Variants in DOCK2 observed in about 807,000 individuals in gnomAD.
The protein encoded by DOCK2 is dedicator of cytokinesis 2.
A neutral mutation model predicts 248.9 loss-of-function variants in DOCK2; 87 were observed. The ratio of observed to expected loss-of-function variants is 0.35; its 90% CI spans 0.29 to 0.42. DOCK2 has a LOEUF of 0.42. Ranked by LOEUF, DOCK2 falls within the 10% of genes least tolerant of loss-of-function variation. The pLI is 1.00. For missense variants in DOCK2, 1,747 were observed against 2,300.2 expected, an observed-to-expected ratio of 0.76 and a Z score of 4.92; for synonymous variants, 805 against 821.6, an observed-to-expected ratio of 0.98 and a Z score of 0.35.
At chr5:169,793,561 G>T (rs1371295814) in intron 25 of DOCK2, among the ~76,000 whole-genome samples, 18 of 152,120 alleles carry the variant, frequency 1.2e-4, no homozygotes, top group Admixed American at 1.2e-3. Flanking sequence ...GACAGTCAGG[G>T]TGCAATAAGT....
At chr5:169,801,954 T>C (rs1052183932) in intron 25 of DOCK2, among the ~76,000 whole-genome samples, 1 of 152,084 alleles carries the variant, frequency 6.6e-6, no homozygotes, top group African/African-American at 2.4e-5. Context: ...TTTAAAATGA[T>C]ATCCTGGTGT....
At chr5:170,062,758 G>T (rs964518801) in intron 44 of DOCK2, among the ~76,000 whole-genome samples, 2 of 152,092 alleles carry the variant, frequency 1.3e-5, no homozygotes. Flanking sequence ...GAACTTTCAG[G>T]CATCCTATCC....
At chr5:169,770,555 C>T (rs1338490409) in intron 25 of DOCK2, among the ~76,000 whole-genome samples, 1 of 152,128 alleles carries the variant, frequency 6.6e-6, no homozygotes, top group East Asian at 1.9e-4. Context: ...CTGCCTTGGC[C>T]TCTCAAAGCA....
intron 27 of DOCK2, chr5:169,884,478 A>G (rs1055051845): frequency 6.6e-6 from 1 of 152,256 alleles, no homozygotes; most frequent in South Asian, 2.1e-4. Context: ...TTGTTTGATG[A>G]TACATGATGC....
At chr5:169,762,781 G>A (rs1764564576) in intron 25 of DOCK2, among the ~76,000 whole-genome samples, 1 of 152,204 alleles carries the variant, frequency 6.6e-6, no homozygotes, top group Non-Finnish European at 1.5e-5. Flanking sequence ...ATAATAAAAT[G>A]CGAAGCAAAC....
At chr5:169,660,336 A>AAAAT (rs1377250694) in intron 2 of DOCK2, among the ~76,000 whole-genome samples, 1 of 152,218 alleles carries the variant, frequency 6.6e-6, no homozygotes, top group Non-Finnish European at 1.5e-5. Flanking sequence ...CTTCTCTCTA[A>AAAAT]AAATAAATAA....
intron 27 of DOCK2, among the ~76,000 whole-genome samples, chr5:169,954,511 A>T (rs1776787722): frequency 6.6e-6 from 1 of 152,244 alleles, no homozygotes; most frequent in Admixed American, 6.5e-5. Flanking sequence ...CCTCTTGGCC[A>T]CCCCCCTGAA....
chr5:169,951,936 G>A (rs1159198784), intron 27 of DOCK2, among the ~76,000 whole-genome samples: 1 of 152,162 alleles, frequency 6.6e-6, no homozygotes, highest in East Asian at 1.9e-4. Context: ...TGACTCCTAG[G>A]CTCTATGTTA....
intron 22 of DOCK2, among the ~76,000 whole-genome samples, chr5:169,744,318 TA>T (rs981646926): frequency 1.3e-5 from 2 of 152,232 alleles, no homozygotes; most frequent in Non-Finnish European, 2.9e-5. Flanking sequence ...TCTTACAGAC[TA>T]AAAATCTTTT....
intron 29 of DOCK2, among the ~76,000 whole-genome samples, chr5:169,986,293 C>T (rs1451649280): frequency 6.6e-6 from 1 of 152,104 alleles, no homozygotes; most frequent in African/African-American, 2.4e-5. Flanking sequence ...TTAAATTAAA[C>T]AGATTTGAAC....
chr5:170,009,333 TCA>T (rs1755194413), intron 32 of DOCK2, among the ~76,000 whole-genome samples: 1 of 152,078 alleles, frequency 6.6e-6, no homozygotes, highest in African/African-American at 2.4e-5. Flanking sequence ...TATTTAATCT[TCA>T]CATCACTTCC....
chr5:170,047,486 A>G, intron 39 of DOCK2, 24 bp from the exon 40 acceptor site: 1 of 1,610,902 alleles, frequency 6.2e-7, no homozygotes, highest in Non-Finnish European at 8.5e-7. Flanking sequence ...CTGTGTTGCA[A>G]CAAACCTTGT....
chr5:170,011,466 G>T (rs958065843), intron 32 of DOCK2, among the ~76,000 whole-genome samples: 3 of 125,944 alleles, frequency 2.4e-5, no homozygotes, highest in African/African-American at 9.8e-5. Context: ...AGATACATCT[G>T]TCAGGGGTTG....
At chr5:169,684,716 C>G (rs1344642543) in intron 8 of DOCK2, among the ~76,000 whole-genome samples, 1 of 152,178 alleles carries the variant, frequency 6.6e-6, no homozygotes, top group African/African-American at 2.4e-5. Context: ...TGGGTGCAAT[C>G]ACGGCTCGCT....
intron 22 of DOCK2, among the ~76,000 whole-genome samples, chr5:169,721,851 C>G (rs2113574596): frequency 6.6e-6 from 1 of 152,258 alleles, no homozygotes; most frequent in South Asian, 2.1e-4. Flanking sequence ...TTATCTATAG[C>G]CAAAGAAAGA....
intron 34 of DOCK2, among the ~76,000 whole-genome samples, chr5:170,031,823 A>G: frequency 6.6e-6 from 1 of 152,314 alleles, no homozygotes; most frequent in South Asian, 2.1e-4. Flanking sequence ...GAAAAGAAAG[A>G]AAGCCAAGAC....
chr5:169,687,019 A>G lies in DOCK2; in HGVS notation c.762-2233A>G, dbSNP rs563231096. Among the ~76,000 whole-genome samples, 4 of 152,000 alleles carry G rather than the reference A, an allele frequency of 2.6e-5. No individual in the cohort carries two copies. In the East Asian group the frequency reaches 7.7e-4, roughly 29 times the overall value. On this transcript the variant is annotated intron_variant, in intron 8 of 51. Coordinates refer to ENST00000520908, the MANE Select transcript of DOCK2 (RefSeq NM_004946.3). ...TCTACCACCTAGATCTTCCTGGGTG[A>G]GGATGGATGGGACCAGCTCAGCCCT... is the stretch of plus-strand genomic sequence containing the variant.
At chr5:169,984,340 C>G (rs994038430) in intron 28 of DOCK2, among the ~76,000 whole-genome samples, 2 of 152,114 alleles carry the variant, frequency 1.3e-5, no homozygotes, top group Non-Finnish European at 2.9e-5. Flanking sequence ...CAGGTGACAT[C>G]AAGTATGAAT....
intron 6 of DOCK2, among the ~76,000 whole-genome samples, chr5:169,675,558 T>C (rs879383561): frequency 1.3e-5 from 2 of 152,088 alleles, no homozygotes; most frequent in African/African-American, 2.4e-5. Context: ...TTAATGAGCC[T>C]TAGAGAAGGA....
Sources: gnomAD v4.1 joint callset for allele counts (sites outside exome capture counted in the v4.1 genomes callset) on GRCh38, gnomAD v4.1.1 for gene constraint, MANE v1.5 for transcripts, NCBI Gene and HGNC (gene_info 2026-07-23, HGNC 2026-07-21) for gene names.